Variants in WHRN observed in about 807,000 individuals in gnomAD.
The protein encoded by WHRN is CASK-interacting protein CIP98.
Under a neutral mutation model 68.3 loss-of-function variants are expected in WHRN, and 41 were observed. The ratio of observed to expected loss-of-function variants is 0.60; its 90% confidence interval spans 0.47 to 0.78. The LOEUF is 0.78. WHRN is among the 30% of genes least tolerant of loss of function. The pLI is 0.00. For synonymous variants in WHRN, 560 were observed against 561.3 expected, an observed-to-expected ratio of 1.00 and a Z score of 0.03; for missense variants, 1,243 against 1,244.7, an observed-to-expected ratio of 1.00 and a Z score of 0.02.
intron 2 of WHRN, among the ~76,000 whole-genome samples, chr9:114,473,904 G>C (rs1365961379): frequency 2.0e-5 from 3 of 152,160 alleles, no homozygotes. Context: ...GCCTGCAGGA[G>C]GCATGGAGAA....
At chr9:114,460,092 T>C (rs984165632) in intron 3 of WHRN, among the ~76,000 whole-genome samples, 14 of 152,170 alleles carry the variant, frequency 9.2e-5, no homozygotes, top group African/African-American at 2.4e-4. Context: ...GTGGAGGCCG[T>C]GGGCCAGGCA....
At chr9:114,450,834 C>CCG in intron 3 of WHRN, among the ~76,000 whole-genome samples, 1 of 149,970 alleles carries the variant, frequency 6.7e-6, no homozygotes, top group South Asian at 2.1e-4. Context: ...TTTCCCCCCC[C>CCG]GCAAAAAAAT....
chr9:114,505,019 G>A lies in WHRN; in HGVS notation c.-218C>T, dbSNP rs1259270342. Reference sequence around the variant, plus strand: ...GAAGACGGCGGGGGTCGCGAACCTGGAATCCGGGGGACGCGGAGACGTCGG... The same window carrying A: ...GAAGACGGCGGGGGTCGCGAACCTGAAATCCGGGGGACGCGGAGACGTCGG... On this transcript the variant is annotated 5_prime_UTR_variant, in exon 1 of 12. Coordinates refer to ENST00000362057, the MANE Select transcript of WHRN (RefSeq NM_015404.4). 1 of 577,880 alleles carries A rather than the reference G, an allele frequency of 1.7e-6. No individual in the cohort carries two copies. The highest frequency in any genetic ancestry group is 2.6e-6 in the Non-Finnish European group (1 of 381,996). 35.8% of individuals were successfully genotyped at this position (577,880 alleles called of 1,614,324 possible).
intron 2 of WHRN, among the ~76,000 whole-genome samples, chr9:114,471,280 C>A (rs1841199667): frequency 6.6e-6 from 1 of 152,288 alleles, no homozygotes; most frequent in East Asian, 1.9e-4. Flanking sequence ...CGTACTCAGC[C>A]CTTTATATGC....
At chr9:114,472,422 T>C (rs764406114) in intron 2 of WHRN, among the ~76,000 whole-genome samples, 2 of 152,226 alleles carry the variant, frequency 1.3e-5, no homozygotes, top group Non-Finnish European at 2.9e-5. Flanking sequence ...TCTGCCCAGA[T>C]AGGACGGATC....
chr9:114,443,609 G>A (rs958390981), intron 3 of WHRN, among the ~76,000 whole-genome samples: 3 of 152,124 alleles, frequency 2.0e-5, no homozygotes, highest in Admixed American at 6.5e-5. Context: ...AAGGCCAGCT[G>A]AATAGGAGCT....
At chr9:114,503,160 T>C (rs1844079969) in intron 1 of WHRN, 24 of 985,488 alleles carry the variant, frequency 2.4e-5, no homozygotes, top group Non-Finnish European at 2.9e-5. Flanking sequence ...GGGCCTCTGC[T>C]GCCTAGGAGT....
At chr9:114,427,466 T>C (rs988866013) in intron 3 of WHRN, among the ~76,000 whole-genome samples, 3 of 152,216 alleles carry the variant, frequency 2.0e-5, no homozygotes, top group African/African-American at 7.2e-5. Flanking sequence ...CCCAGGGTCA[T>C]GTGCCACTGA....
chr9:114,456,826 CAA>C (rs58142457), intron 3 of WHRN, among the ~76,000 whole-genome samples: 104,754 of 141,160 alleles, frequency 0.74, 38,630 homozygotes, highest in East Asian at 0.95. Flanking sequence ...AAGACTATCT[CAA>C]AAAAAAAAAA....
intron 1 of WHRN, among the ~76,000 whole-genome samples, chr9:114,489,052 A>C (rs2133274760): frequency 6.6e-6 from 1 of 152,272 alleles, no homozygotes; most frequent in Non-Finnish European, 1.5e-5. Context: ...GTCTTATAGG[A>C]TCAAGTACTC....
chr9:114,471,580 C>T (rs879740245), intron 2 of WHRN, among the ~76,000 whole-genome samples: 2 of 152,222 alleles, frequency 1.3e-5, no homozygotes, highest in Non-Finnish European at 2.9e-5. Flanking sequence ...AAGAATTGTG[C>T]AACCTGCCGG....
intron 1 of WHRN, chr9:114,503,093 G>C: frequency 2.0e-6 from 2 of 978,834 alleles, no homozygotes; most frequent in South Asian, 4.7e-5. Context: ...CCAGGGAGAC[G>C]GCTCAAGACT....
At chr9:114,448,562 T>A (rs1033601316) in intron 3 of WHRN, among the ~76,000 whole-genome samples, 10 of 152,138 alleles carry the variant, frequency 6.6e-5, no homozygotes, top group African/African-American at 2.4e-4. Flanking sequence ...TGAGGGATAC[T>A]CTGTGCCTTC....
intron 2 of WHRN, among the ~76,000 whole-genome samples, chr9:114,476,315 ACC>A (rs1465799299): frequency 6.6e-6 from 1 of 150,534 alleles, no homozygotes; most frequent in African/African-American, 2.4e-5. Flanking sequence ...ACCTTACCTA[ACC>A]CCCACCCTCC....
intron 1 of WHRN, chr9:114,503,455 A>G (rs1844113405): frequency 3.3e-5 from 5 of 152,448 alleles, no homozygotes; most frequent in African/African-American, 1.2e-4. Flanking sequence ...CAGTAAGCAC[A>G]CACACTCCTT....
Position 114,424,459 on chromosome 9 carries a change from G to A in WHRN, c.1291C>T (p.Arg431Trp), listed in dbSNP as rs397517256. The change falls in exon 6 of 12, where the codon CGG (arginine) becomes TGG (tryptophan). Residue 431 changes from arginine to tryptophan, a missense_variant. Transcript: ENST00000362057. ...TGTTCCTGCTCGTTCAGCAGGTGCCGAGCCTGCTCCTCCAGCAGCACTCGT... is the reference window on the plus strand; with the variant it reads ...TGTTCCTGCTCGTTCAGCAGGTGCCAAGCCTGCTCCTCCAGCAGCACTCGT... ...QTRVLLEEQARHLLNEQEHAT... is the reference protein window; with the variant it reads ...QTRVLLEEQAWHLLNEQEHAT... 12 of 1,613,702 alleles carry A rather than the reference G, an allele frequency of 7.4e-6. No individual in the cohort carries two copies. Among genetic ancestry groups the A allele is most frequent in the South Asian group, 3.3e-5 (3 of 91,064 alleles).
chr9:114,442,549 A>T (rs1838465725), intron 3 of WHRN, among the ~76,000 whole-genome samples: 1 of 152,186 alleles, frequency 6.6e-6, no homozygotes, highest in South Asian at 2.1e-4. Flanking sequence ...ATCTCATGTG[A>T]TCCCCAGTGT....
intron 1 of WHRN, among the ~76,000 whole-genome samples, chr9:114,487,589 C>A (rs1842649565): frequency 1.3e-5 from 2 of 152,202 alleles, no homozygotes; most frequent in Admixed American, 1.3e-4. Context: ...AGCACCATCA[C>A]CTGCGATGAA....
At chr9:114,407,205 T>C (rs1344226014) in intron 8 of WHRN, among the ~76,000 whole-genome samples, 1 of 152,204 alleles carries the variant, frequency 6.6e-6, no homozygotes, top group Non-Finnish European at 1.5e-5. Flanking sequence ...ATGAAGAGGA[T>C]GGAAATACAA....
Sources: gnomAD v4.1 joint callset for allele counts (sites outside exome capture counted in the v4.1 genomes callset) on GRCh38, gnomAD v4.1.1 for gene constraint, MANE v1.5 for transcripts, NCBI Gene and HGNC (gene_info 2026-07-23, HGNC 2026-07-21) for gene names.